The following TENM2 variants were observed in gnomAD, a reference collection of about 807,000 sequenced individuals.
The protein encoded by TENM2 is teneurin transmembrane protein 2.
TENM2 carries 52 observed loss-of-function variants against 245.2 expected under a neutral mutation model. That is an observed-to-expected ratio of 0.21 (90% CI 0.17 to 0.27). The LOEUF (loss-of-function observed/expected upper bound fraction) is 0.27. TENM2 is among the 10% of genes least tolerant of loss of function. TENM2 has a pLI of 1.00. For synonymous variants in TENM2, 1,363 were observed against 1,438.9 expected (o/e 0.95, Z 1.19); for missense variants, 3,046 against 3,666.8 (o/e 0.83, Z 4.37).
At chr5:167,929,059 G>GAGAAAAAGAAAGAAAGAA (rs1252622171) in intron 3 of TENM2, among the ~76,000 whole-genome samples, 7 of 77,510 alleles carry the variant, frequency 9.0e-5, no homozygotes, top group African/African-American at 1.9e-4. Flanking sequence ...GAAAGAAAGA[G>GAGAAAAAGAAAGAAAGAA]AGAAAGAAAG....
intron 2 of TENM2, among the ~76,000 whole-genome samples, chr5:167,713,988 T>C (rs1759085135): frequency 6.6e-6 from 1 of 152,198 alleles, no homozygotes; most frequent in Non-Finnish European, 1.5e-5. Context: ...GTGCCAGCTA[T>C]GGAAGTTTTC....
At chr5:167,452,743 G>C (rs796228841) in intron 2 of TENM2, among the ~76,000 whole-genome samples, 38 of 151,158 alleles carry the variant, frequency 2.5e-4, no homozygotes, top group African/African-American at 9.0e-4. Context: ...AGACCACTTG[G>C]ACACAGGAAG....
At chr5:167,506,626 C>T (rs201910684) in intron 2 of TENM2, among the ~76,000 whole-genome samples, 1 of 152,120 alleles carries the variant, frequency 6.6e-6, no homozygotes, top group Non-Finnish European at 1.5e-5. Flanking sequence ...TATAATGACA[C>T]TTAAGGGTTG....
At chr5:167,862,045 T>C (rs1305453549) in intron 2 of TENM2, among the ~76,000 whole-genome samples, 1 of 152,190 alleles carries the variant, frequency 6.6e-6, no homozygotes, top group Non-Finnish European at 1.5e-5. Flanking sequence ...CATTTCACAC[T>C]CTTTAAAGTG....
the TENM2 span, among the ~76,000 whole-genome samples, chr5:167,078,548 G>T: frequency 2.6e-5 from 4 of 152,032 alleles, no homozygotes; most frequent in African/African-American, 9.7e-5. Flanking sequence ...AGGAGTATGG[G>T]TATAATATTA....
the TENM2 span, among the ~76,000 whole-genome samples, chr5:167,127,647 G>GA: frequency 7.0e-6 from 1 of 141,886 alleles, no homozygotes; most frequent in African/African-American, 2.6e-5. Flanking sequence ...AAAAGGAAAA[G>GA]GAAAAAAAAA....
At chr5:167,217,985 C>T in the TENM2 span, among the ~76,000 whole-genome samples, 1 of 151,912 alleles carries the variant, frequency 6.6e-6, no homozygotes, top group Non-Finnish European at 1.5e-5. Context: ...CACATCAAAA[C>T]AAATCAATAG....
chr5:166,985,160 A>T, the TENM2 span, among the ~76,000 whole-genome samples: 1 of 152,256 alleles, frequency 6.6e-6, no homozygotes, highest in African/African-American at 2.4e-5. Context: ...CTCAGGCAGT[A>T]ATTGCATACA....
At chr5:167,984,734 C>T (rs756618962) in intron 4 of TENM2, among the ~76,000 whole-genome samples, 5 of 152,150 alleles carry the variant, frequency 3.3e-5, no homozygotes, top group African/African-American at 4.8e-5. Context: ...AAAGACAGAA[C>T]GCTTAAGCGA....
intron 2 of TENM2, among the ~76,000 whole-genome samples, chr5:167,598,707 C>T (rs983237203): frequency 6.6e-6 from 1 of 151,316 alleles, no homozygotes; most frequent in Admixed American, 6.6e-5. Flanking sequence ...CTTGGAGTCA[C>T]TAGTATTTTA....
chr5:167,969,840 C>T (rs766229290), intron 4 of TENM2, among the ~76,000 whole-genome samples: 1 of 152,188 alleles, frequency 6.6e-6, no homozygotes, highest in Non-Finnish European at 1.5e-5. Context: ...CACAACTGAC[C>T]CAAGCCTCAA....
chr5:167,825,985 A>G (rs564756757), intron 2 of TENM2, among the ~76,000 whole-genome samples: 1 of 152,176 alleles, frequency 6.6e-6, no homozygotes, highest in African/African-American at 2.4e-5. Context: ...TTCATTTTTC[A>G]GCACTTACTC....
intron 13 of TENM2, among the ~76,000 whole-genome samples, chr5:168,178,084 A>G (rs1274527997): frequency 6.6e-6 from 1 of 151,458 alleles, no homozygotes; most frequent in Non-Finnish European, 1.5e-5. Flanking sequence ...AATCCTCTCC[A>G]CTCTGGGGCC....
chr5:167,491,278 C>G (rs867836411), intron 2 of TENM2, among the ~76,000 whole-genome samples: 17 of 152,142 alleles, frequency 1.1e-4, no homozygotes, highest in African/African-American at 4.1e-4. Flanking sequence ...CAGTATTCCA[C>G]AACTGATCTG....
chr5:167,344,386 A>C (rs1459745444), intron 1 of TENM2, among the ~76,000 whole-genome samples: 4 of 150,928 alleles, frequency 2.7e-5, no homozygotes, highest in Non-Finnish European at 5.9e-5. Flanking sequence ...GACTGAAGGC[A>C]TGGCCATCTG....
chr5:166,998,445 A>G, the TENM2 span, among the ~76,000 whole-genome samples: 2 of 152,226 alleles, frequency 1.3e-5, no homozygotes, highest in African/African-American at 4.8e-5. Context: ...TGGATGAACC[A>G]GACTTTAACG....
intron 2 of TENM2, among the ~76,000 whole-genome samples, chr5:167,663,143 A>AGG (rs1219140699): frequency 2.6e-5 from 1 of 38,878 alleles, no homozygotes; most frequent in African/African-American, 1.4e-4. Flanking sequence ...GGGGATGGGG[A>AGG]GAGAGAGAGA....
chr5:168,155,049 G>C (rs1757030210), intron 12 of TENM2, among the ~76,000 whole-genome samples: 1 of 152,194 alleles, frequency 6.6e-6, no homozygotes, highest in Admixed American at 6.5e-5. Flanking sequence ...GCAAGCAAGA[G>C]GGACAATCCC....
chr5:167,028,856 T>C, the TENM2 span, among the ~76,000 whole-genome samples: 1 of 152,110 alleles, frequency 6.6e-6, no homozygotes, highest in African/African-American at 2.4e-5. Context: ...AATGAGGCAA[T>C]GTGATTGGAG....
Sources: gnomAD v4.1 joint callset for allele counts (sites outside exome capture counted in the v4.1 genomes callset) on GRCh38, gnomAD v4.1.1 for gene constraint, MANE v1.5 for transcripts, NCBI Gene and HGNC (gene_info 2026-07-23, HGNC 2026-07-21) for gene names.